Variants in PLD5 observed in about 807,000 individuals in gnomAD.
PLD5 encodes the protein phospholipase D family member 5, also known as inactive phospholipase D5.
Under a neutral mutation model 61.1 loss-of-function variants are expected in PLD5, and 36 were observed. The observed-to-expected ratio is 0.59, with a 90% CI of 0.45 to 0.78. The LOEUF (loss-of-function observed/expected upper bound fraction) is 0.78, where lower values mean the gene tolerates loss of function less well. Ranked by LOEUF, PLD5 falls within the 30% of genes least tolerant of loss-of-function variation. The pLI is 0.00. For synonymous variants in PLD5, 243 were observed against 242.8 expected (o/e 1.00, Z -0.01); for missense variants, 515 against 644.4 (o/e 0.80, Z 2.17).
At chr1:242,370,904 T>A (rs1661597851) in intron 1 of PLD5, among the ~76,000 whole-genome samples, 1 of 152,220 alleles carries the variant, frequency 6.6e-6, no homozygotes, top group Non-Finnish European at 1.5e-5. Flanking sequence ...TCTTGCAATA[T>A]ATCAAAATAA....
intron 4 of PLD5, among the ~76,000 whole-genome samples, chr1:242,250,866 A>G (rs886949803): frequency 1.3e-5 from 2 of 152,158 alleles, no homozygotes; most frequent in African/African-American, 4.8e-5. Flanking sequence ...CCTAAGTTAG[A>G]GTAGTAGAGG....
At chr1:242,114,494 C>T (rs970834447) in intron 6 of PLD5, among the ~76,000 whole-genome samples, 7 of 152,296 alleles carry the variant, frequency 4.6e-5, no homozygotes, top group Admixed American at 1.3e-4. Context: ...TAGTTAACTA[C>T]GGTCCTATAG....
At chr1:242,151,962 G>A (rs1664961504) in intron 5 of PLD5, among the ~76,000 whole-genome samples, 1 of 151,614 alleles carries the variant, frequency 6.6e-6, no homozygotes, top group Admixed American at 6.6e-5. Context: ...AAAATCTATA[G>A]TATAAAATCC....
At chr1:242,370,389 C>G (rs1000878067) in intron 1 of PLD5, among the ~76,000 whole-genome samples, 1 of 152,124 alleles carries the variant, frequency 6.6e-6, no homozygotes, top group African/African-American at 2.4e-5. Flanking sequence ...TTAAGAGAGT[C>G]TCTGCCCTTA....
intron 5 of PLD5, among the ~76,000 whole-genome samples, chr1:242,183,041 T>C (rs1179534209): frequency 6.6e-6 from 1 of 152,146 alleles, no homozygotes; most frequent in Non-Finnish European, 1.5e-5. Context: ...TCATTTGTAA[T>C]CTCAACAAAG....
At chr1:242,449,543 A>C (rs1666696965) in intron 1 of PLD5, 4 of 1,450,666 alleles carry the variant, frequency 2.8e-6, no homozygotes, top group Non-Finnish European at 3.6e-6. Flanking sequence ...AGCCAAACTG[A>C]GCACGAAGAG....
chr1:242,103,543 T>C (rs1339347579), intron 8 of PLD5, among the ~76,000 whole-genome samples: 3 of 152,210 alleles, frequency 2.0e-5, no homozygotes, highest in Non-Finnish European at 4.4e-5. Context: ...AAATGCTGTT[T>C]CGGAGCTGAA....
chr1:242,384,191 C>T lies in PLD5; in HGVS notation c.190-35949G>A, dbSNP rs146727162. On this transcript the variant is annotated intron_variant, in intron 1 of 9. Transcript: ENST00000536534. ...CCAGTTCCAATGACTGATTGATAACCAGATGATTTTCCTGGCTCTGAGTTA... is the reference window on the plus strand; with the variant it reads ...CCAGTTCCAATGACTGATTGATAACTAGATGATTTTCCTGGCTCTGAGTTA... 3.5e-3 allele frequency among the ~76,000 whole-genome samples: 528 copies of T among 152,272 alleles called. 2 individuals carry two copies. The highest frequency in any genetic ancestry group is 0.012 in the African/African-American group (490 of 41,538).
At chr1:242,513,937 G>A (rs985596096) in intron 1 of PLD5, among the ~76,000 whole-genome samples, 2 of 152,180 alleles carry the variant, frequency 1.3e-5, no homozygotes, top group Admixed American at 6.5e-5. Context: ...TTCTTGCATC[G>A]GTGCCTCATT....
intron 1 of PLD5, among the ~76,000 whole-genome samples, chr1:242,475,379 C>G (rs528189218): frequency 7.2e-6 from 1 of 139,324 alleles, no homozygotes; most frequent in African/African-American, 2.7e-5. Context: ...GCCGAGATTG[C>G]GCCACTGCAC....
intron 1 of PLD5, among the ~76,000 whole-genome samples, chr1:242,379,846 C>T (rs951609801): frequency 2.0e-5 from 3 of 152,122 alleles, no homozygotes; most frequent in South Asian, 2.1e-4. Context: ...TTACTTATTG[C>T]TCCAAGCATC....
intron 2 of PLD5, among the ~76,000 whole-genome samples, chr1:242,300,621 T>C (rs1675980655): frequency 6.6e-6 from 1 of 151,836 alleles, no homozygotes; most frequent in South Asian, 2.1e-4. Context: ...ACAGGGCTAT[T>C]GGACACGGTG....
chr1:242,387,220 G>C (rs1662650502), intron 1 of PLD5, among the ~76,000 whole-genome samples: 2 of 152,108 alleles, frequency 1.3e-5, no homozygotes, highest in South Asian at 4.1e-4. Flanking sequence ...ATCCCAGCAG[G>C]GTTGTGTGTG....
Position 242,196,392 on chromosome 1 carries a change from G to A in PLD5, c.735+23596C>T, listed in dbSNP as rs538477724. Among the ~76,000 whole-genome samples, 4 of 152,232 alleles carry A rather than the reference G, an allele frequency of 2.6e-5. No homozygotes were observed. In the East Asian group the frequency reaches 7.8e-4, roughly 30 times the overall value. On this transcript the variant is annotated intron_variant, in intron 5 of 9. Transcript: ENST00000536534. ...TACAACCGATACCCTGCAGGTGCAG[G>A]CTCGGATCGGCATTACTGTGGCACT...
At chr1:242,194,617 T>TCTATCTATCTAATCTATCTATCTAC in intron 5 of PLD5, among the ~76,000 whole-genome samples, 2 of 66,184 alleles carry the variant, frequency 3.0e-5, no homozygotes, top group South Asian at 1.2e-3. Context: ...TATCTATCTA[T>TCTATCTATCTAATCTATCTATCTAC]GTATCTATCT....
At chr1:242,104,274 C>A (rs1660885561) in intron 8 of PLD5, among the ~76,000 whole-genome samples, 1 of 151,118 alleles carries the variant, frequency 6.6e-6, no homozygotes, top group South Asian at 2.1e-4. Flanking sequence ...CAGATATGCA[C>A]CACCACACCT....
chr1:242,426,115 G>A (rs548650297), intron 1 of PLD5, among the ~76,000 whole-genome samples: 1 of 151,560 alleles, frequency 6.6e-6, no homozygotes, highest in South Asian at 2.1e-4. Context: ...AAACGTTTTT[G>A]TTAAAAACTG....
At chr1:242,506,645 G>C (rs1187439682) in intron 1 of PLD5, among the ~76,000 whole-genome samples, 1 of 152,072 alleles carries the variant, frequency 6.6e-6, no homozygotes, top group Non-Finnish European at 1.5e-5. Context: ...CTCCATAAAG[G>C]AATAGGCCCT....
At chr1:242,423,248 A>T (rs549910763) in intron 1 of PLD5, among the ~76,000 whole-genome samples, 1 of 152,268 alleles carries the variant, frequency 6.6e-6, no homozygotes, top group African/African-American at 2.4e-5. Context: ...AAAATAAGGA[A>T]TGGCTATGCA....
Sources: gnomAD v4.1 joint callset for allele counts (sites outside exome capture counted in the v4.1 genomes callset) on GRCh38, gnomAD v4.1.1 for gene constraint, MANE v1.5 for transcripts, NCBI Gene and HGNC (gene_info 2026-07-23, HGNC 2026-07-21) for gene names.